Variants in GAB1 observed in about 807,000 individuals in gnomAD.
GAB1 encodes the protein GRB2-associated-binding protein 1.
Under a neutral mutation model 66.5 loss-of-function variants are expected in GAB1, and 19 were observed. The observed-to-expected ratio is 0.29, with a 90% CI of 0.20 to 0.42. The LOEUF is 0.42. GAB1 is among the 10% of genes least tolerant of loss of function. The pLI, the probability that GAB1 is intolerant of heterozygous loss-of-function variation, is 1.00. For missense variants in GAB1, 732 were observed against 858.5 expected, an observed-to-expected ratio of 0.85 and a Z score of 1.84; for synonymous variants, 294 against 301.4, an observed-to-expected ratio of 0.98 and a Z score of 0.25.
intron 2 of GAB1, among the ~76,000 whole-genome samples, chr4:143,424,506 A>C (rs34140972): frequency 0.12 from 18,835 of 152,212 alleles, 2,779 homozygotes; most frequent in African/African-American, 0.36. Context: ...TTTGCAACTG[A>C]ATCAAAACAG....
At chr4:143,367,808 T>G (rs1729953143) in intron 1 of GAB1, among the ~76,000 whole-genome samples, 1 of 139,248 alleles carries the variant, frequency 7.2e-6, no homozygotes, top group African/African-American at 2.7e-5. Context: ...CACTGTAACC[T>G]CTGCCTCCCG....
chr4:143,440,643 G>C (rs1327647233), intron 6 of GAB1, among the ~76,000 whole-genome samples: 2 of 152,140 alleles, frequency 1.3e-5, no homozygotes, highest in Admixed American at 1.3e-4. Context: ...GGGGTGAGCG[G>C]ACAACTGGGG....
chr4:143,372,222 T>C (rs962461333), intron 1 of GAB1, among the ~76,000 whole-genome samples: 17 of 152,226 alleles, frequency 1.1e-4, no homozygotes, highest in Non-Finnish European at 2.5e-4. Flanking sequence ...TATTCTTGCA[T>C]TGAAATGTTC....
intron 1 of GAB1, among the ~76,000 whole-genome samples, chr4:143,351,731 A>C (rs1729235351): frequency 6.6e-6 from 1 of 152,102 alleles, no homozygotes; most frequent in South Asian, 2.1e-4. Context: ...CAATTTCTGG[A>C]GACATTTTGG....
intron 1 of GAB1, among the ~76,000 whole-genome samples, chr4:143,377,953 C>T (rs903069330): frequency 1.3e-5 from 2 of 152,164 alleles, no homozygotes; most frequent in African/African-American, 4.8e-5. Flanking sequence ...TAGCTTGGAA[C>T]AGAACGTCCC....
At chr4:143,379,292 A>G (rs567357586) in intron 1 of GAB1, among the ~76,000 whole-genome samples, 35 of 152,304 alleles carry the variant, frequency 2.3e-4, no homozygotes, top group African/African-American at 3.4e-4. Flanking sequence ...GGACTTAGAG[A>G]TACAAAAAAT....
intron 2 of GAB1, among the ~76,000 whole-genome samples, chr4:143,430,690 T>C (rs1733607382): frequency 6.6e-6 from 1 of 152,234 alleles, no homozygotes; most frequent in Non-Finnish European, 1.5e-5. Context: ...AAACCTTTTA[T>C]AACCCCTTAA....
chr4:143,370,566 A>T (rs1406982654), intron 1 of GAB1, among the ~76,000 whole-genome samples: 5 of 151,564 alleles, frequency 3.3e-5, no homozygotes, highest in African/African-American at 7.3e-5. Flanking sequence ...TTTTTTTTTT[A>T]AATTAAAGTT....
At chr4:143,465,600 C>A (rs893566364) in intron 8 of GAB1, among the ~76,000 whole-genome samples, 1 of 152,068 alleles carries the variant, frequency 6.6e-6, no homozygotes, top group African/African-American at 2.4e-5. Flanking sequence ...CTCTTAAATA[C>A]GTTCTTTAGA....
intron 2 of GAB1, among the ~76,000 whole-genome samples, chr4:143,416,547 G>C (rs1732702397): frequency 6.6e-6 from 1 of 152,154 alleles, no homozygotes; most frequent in Admixed American, 6.5e-5. Context: ...GAGGCAGATG[G>C]GTCACTTGAG....
intron 1 of GAB1, among the ~76,000 whole-genome samples, chr4:143,384,816 T>C (rs1465281951): frequency 6.6e-6 from 1 of 152,238 alleles, no homozygotes; most frequent in Non-Finnish European, 1.5e-5. Flanking sequence ...GGCTGTCTGA[T>C]GAAATCCACA....
At chr4:143,436,495 G>A in intron 3 of GAB1, among the ~76,000 whole-genome samples, 1 of 152,214 alleles carries the variant, frequency 6.6e-6, no homozygotes, top group Non-Finnish European at 1.5e-5. Context: ...GAGGCAGACA[G>A]TAGAGGAAAT....
chr4:143,425,824 A>C (rs1733320857), intron 2 of GAB1: 12 of 933,758 alleles, frequency 1.3e-5, no homozygotes, highest in Non-Finnish European at 2.1e-5. Context: ...CCTCTTCAGC[A>C]GTTCCCTTCT....
intron 6 of GAB1, among the ~76,000 whole-genome samples, chr4:143,446,481 C>T (rs1340268010): frequency 7.4e-5 from 11 of 149,116 alleles, no homozygotes; most frequent in South Asian, 4.2e-4. Flanking sequence ...TTAATGATTG[C>T]CATTCTAACT....
chr4:143,414,594 A>G (rs1732579224), intron 1 of GAB1, among the ~76,000 whole-genome samples: 1 of 152,156 alleles, frequency 6.6e-6, no homozygotes, highest in Non-Finnish European at 1.5e-5. Flanking sequence ...TAAAAGAGAG[A>G]CACAATCAAT....
At chr4:143,435,014 A>C (rs946572150) in intron 3 of GAB1, among the ~76,000 whole-genome samples, 1 of 152,196 alleles carries the variant, frequency 6.6e-6, no homozygotes, top group Non-Finnish European at 1.5e-5. Context: ...GTCTGGATAG[A>C]GAGTATATTT....
intron 1 of GAB1, among the ~76,000 whole-genome samples, chr4:143,350,460 C>G (rs1364893777): frequency 3.3e-5 from 5 of 152,040 alleles, no homozygotes; most frequent in Non-Finnish European, 4.4e-5. Flanking sequence ...GGCACATCAC[C>G]TGAGTTCGGG....
Position 143,337,182 on chromosome 4 carries a change from G to C in GAB1, c.-7G>C. Reference sequence around the variant, plus strand: ...CTGCCCGGCCCGGAGCCCGAGACGCGCGCACCATGAGCGGTGGTGAAGTGG... The same window carrying C: ...CTGCCCGGCCCGGAGCCCGAGACGCCCGCACCATGAGCGGTGGTGAAGTGG... On this transcript the variant is annotated 5_prime_UTR_variant, in exon 1 of 10. Transcript: ENST00000262994. The C allele has an allele frequency of 1.3e-6, 2 of 1,573,368 alleles. No individual in the cohort carries two copies. Among genetic ancestry groups the C allele is most frequent in the Non-Finnish European group, 1.7e-6 (2 of 1,158,998 alleles).
At chr4:143,384,485 T>G (rs370987021) in intron 1 of GAB1, among the ~76,000 whole-genome samples, 33 of 152,314 alleles carry the variant, frequency 2.2e-4, no homozygotes, top group East Asian at 9.6e-4. Context: ...AACTTGACTT[T>G]CCTTGAGTTT....
Sources: allele counts gnomAD v4.1 joint callset (sites outside exome capture counted in the v4.1 genomes callset), GRCh38; gene constraint gnomAD v4.1.1; transcripts MANE v1.5; gene names NCBI Gene and HGNC (gene_info 2026-07-23, HGNC 2026-07-21).